The following ADCY2 variants were observed in gnomAD, a reference collection of about 807,000 sequenced individuals.
ADCY2 encodes adenylate cyclase 2.
ADCY2 carries 31 observed loss-of-function variants against 125.2 expected under a neutral mutation model. The ratio of observed to expected loss-of-function variants is 0.25; its 90% CI spans 0.19 to 0.33. The LOEUF is 0.33. ADCY2 is among the 10% of genes least tolerant of loss of function. ADCY2 has a pLI of 1.00. For synonymous variants in ADCY2, 512 were observed against 548.4 expected, an observed-to-expected ratio of 0.93 and a Z score of 0.93; for missense variants, 904 against 1,418.2, an observed-to-expected ratio of 0.64 and a Z score of 5.82.
chr5:7,668,260 G>A (rs554365093), intron 4 of ADCY2, among the ~76,000 whole-genome samples: 3 of 152,236 alleles, frequency 2.0e-5, no homozygotes, highest in East Asian at 1.9e-4. Context: ...TCTATAATGC[G>A]GGTGAGCCTC....
In ADCY2 at chr5:7,440,893, C is replaced by A. The variant is rs138916253; in HGVS notation, c.408+26123C>A. On this transcript the variant is annotated intron_variant, in intron 2 of 24. Transcript: ENST00000338316. ...GGTTATGAGGGGCTGAGCCAAAGAA[C>A]CCACTGGAGCTAGAACAGCCCTTTG... 3.1e-3 allele frequency among the ~76,000 whole-genome samples: 478 copies of A among 152,266 alleles called. 1 individual carries two copies. The highest frequency in any genetic ancestry group is 0.011 in the African/African-American group (454 of 41,538).
intron 4 of ADCY2, among the ~76,000 whole-genome samples, chr5:7,668,176 A>G (rs1444167402): frequency 6.6e-6 from 1 of 152,218 alleles, no homozygotes; most frequent in East Asian, 1.9e-4. Context: ...CAAAGACTAG[A>G]TGTTTTTGTG....
intron 18 of ADCY2, among the ~76,000 whole-genome samples, chr5:7,779,327 T>C (rs946206732): frequency 2.0e-5 from 3 of 152,290 alleles, no homozygotes; most frequent in Admixed American, 1.3e-4. Context: ...TTTTGTTCTG[T>C]TTGATTTTAG....
intron 19 of ADCY2, among the ~76,000 whole-genome samples, chr5:7,785,876 G>T (rs1161724117): frequency 6.6e-6 from 1 of 152,142 alleles, no homozygotes. Context: ...ATTGGTCGTT[G>T]AGATGATACA....
intron 2 of ADCY2, among the ~76,000 whole-genome samples, chr5:7,459,182 T>G (rs2126435454): frequency 6.6e-6 from 1 of 152,308 alleles, no homozygotes; most frequent in East Asian, 1.9e-4. Flanking sequence ...AAGCCAATTC[T>G]GCAAGCAAAT....
intron 4 of ADCY2, among the ~76,000 whole-genome samples, chr5:7,630,529 G>A (rs1738279067): frequency 2.0e-5 from 3 of 152,072 alleles, no homozygotes; most frequent in Admixed American, 2.0e-4. Flanking sequence ...CCACAAATTT[G>A]ATGGCTTAAA....
At chr5:7,418,266 C>G (rs1391661901) in intron 2 of ADCY2, among the ~76,000 whole-genome samples, 1 of 152,104 alleles carries the variant, frequency 6.6e-6, no homozygotes, top group African/African-American at 2.4e-5. Context: ...CCACTGGGGC[C>G]CTGGATCGTG....
At chr5:7,780,120 C>G (rs536938876) in intron 18 of ADCY2, among the ~76,000 whole-genome samples, 2 of 152,166 alleles carry the variant, frequency 1.3e-5, no homozygotes, top group Non-Finnish European at 2.9e-5. Context: ...CTTAGCAATT[C>G]CCTGCTGCTT....
intron 16 of ADCY2, among the ~76,000 whole-genome samples, chr5:7,766,130 T>C (rs1275787040): frequency 6.6e-6 from 1 of 152,222 alleles, no homozygotes; most frequent in Non-Finnish European, 1.5e-5. Flanking sequence ...ACATCCATCC[T>C]TTTAAATTTT....
intron 3 of ADCY2, among the ~76,000 whole-genome samples, chr5:7,578,409 A>C (rs1459021809): frequency 1.5e-4 from 23 of 152,196 alleles, no homozygotes; most frequent in Non-Finnish European, 1.5e-5. Context: ...GTAAACACTT[A>C]GCTCTTTATT....
intron 20 of ADCY2, chr5:7,797,149 GC>G (rs1561008388): frequency 6.6e-6 from 1 of 152,230 alleles, no homozygotes; most frequent in African/African-American, 2.4e-5. Context: ...AGGCTAGCAT[GC>G]CCTTGGGGTT....
At chr5:7,399,179 T>G (rs1327690739) in intron 1 of ADCY2, among the ~76,000 whole-genome samples, 1 of 152,140 alleles carries the variant, frequency 6.6e-6, no homozygotes, top group Non-Finnish European at 1.5e-5. Flanking sequence ...GACAGATTCC[T>G]TTTTTTCCCC....
chr5:7,678,342 G>A (rs1740204428), intron 4 of ADCY2, among the ~76,000 whole-genome samples: 1 of 152,164 alleles, frequency 6.6e-6, no homozygotes, highest in Non-Finnish European at 1.5e-5. Context: ...GCTTGGACTT[G>A]TACCTACAGA....
Position 7,407,395 on chromosome 5 carries a change from G to A in ADCY2, c.211-7178G>A, listed in dbSNP as rs1739536090. On this transcript the variant is annotated intron_variant, in intron 1 of 24. Coordinates refer to ENST00000338316, the MANE Select transcript of ADCY2 (RefSeq NM_020546.3). Reference sequence around the variant, plus strand: ...CTGACTCACAGTTCTGCATTGCTGGGGAAGCCTCAGGAAACTTACAATTGT... The same window carrying A: ...CTGACTCACAGTTCTGCATTGCTGGAGAAGCCTCAGGAAACTTACAATTGT... 2.0e-5 allele frequency among the ~76,000 whole-genome samples: 3 copies of A among 152,140 alleles called. No individual in the cohort carries two copies. The South Asian group carries it at 6.2e-4, about 32-fold the overall frequency.
intron 2 of ADCY2, among the ~76,000 whole-genome samples, chr5:7,513,735 G>A (rs1296578660): frequency 6.6e-6 from 1 of 152,174 alleles, no homozygotes; most frequent in Non-Finnish European, 1.5e-5. Context: ...GAACTATATT[G>A]CGGTACTATT....
chr5:7,551,999 A>G (rs1735359787), intron 3 of ADCY2, among the ~76,000 whole-genome samples: 1 of 152,212 alleles, frequency 6.6e-6, no homozygotes, highest in Admixed American at 6.5e-5. Context: ...ACAATATGTC[A>G]GCTAAAAATA....
chr5:7,594,943 A>G (rs1459022912), intron 3 of ADCY2, among the ~76,000 whole-genome samples: 1 of 152,236 alleles, frequency 6.6e-6, no homozygotes, highest in Non-Finnish European at 1.5e-5. Flanking sequence ...GACAGAGTCC[A>G]GAGCCTGCTT....
rs1281794451 is a variant in ADCY2 at position 7,526,851 on chromosome 5, G to A, written c.570+5952G>A. Among the ~76,000 whole-genome samples, 3 of 152,156 alleles carry A rather than the reference G, an allele frequency of 2.0e-5. No homozygotes were observed. In the East Asian group the frequency reaches 5.8e-4, roughly 29 times the overall value. ...TGGAATCCCTTAATGATGAAGGGAA[G>A]ACAATATTTAATTATCAGAAAACTT... On this transcript the variant is annotated intron_variant, in intron 3 of 24. Transcript: ENST00000338316.
At chr5:7,595,407 C>G (rs563705211) in intron 3 of ADCY2, among the ~76,000 whole-genome samples, 1 of 152,218 alleles carries the variant, frequency 6.6e-6, no homozygotes, top group South Asian at 2.1e-4. Flanking sequence ...TATTTTGGAG[C>G]ATTTAAATCT....
Sources: allele counts gnomAD v4.1 joint callset (sites outside exome capture counted in the v4.1 genomes callset), GRCh38; gene constraint gnomAD v4.1.1; transcripts MANE v1.5; gene names NCBI Gene and HGNC (gene_info 2026-07-23, HGNC 2026-07-21).